XIRP2: variants seen among roughly 807,000 people sequenced by gnomAD.
The protein encoded by XIRP2 is xin actin binding repeat containing 2, also known as xin actin-binding repeat-containing protein 2.
A neutral mutation model predicts 277.0 loss-of-function variants in XIRP2; 236 were observed. The ratio of observed to expected loss-of-function variants is 0.85; its 90% CI spans 0.77 to 0.95. The LOEUF (loss-of-function observed/expected upper bound fraction) is 0.95. Ranked by LOEUF, XIRP2 falls within the 40% of genes least tolerant of loss-of-function variation. The pLI is 0.00. For synonymous variants in XIRP2, 1,490 were observed against 1,416.5 expected, an observed-to-expected ratio of 1.05 and a Z score of -1.17; for missense variants, 4,640 against 4,157.5, an observed-to-expected ratio of 1.12 and a Z score of -3.19.
chr2:167,117,633 A>G (rs1286148520), intron 2 of XIRP2, among the ~76,000 whole-genome samples: 1 of 151,810 alleles, frequency 6.6e-6, no homozygotes. Context: ...TCTGCAGTCT[A>G]ATCTACACCC....
At chr2:167,120,433 A>G (rs1170854313) in intron 2 of XIRP2, among the ~76,000 whole-genome samples, 5 of 152,136 alleles carry the variant, frequency 3.3e-5, no homozygotes, top group African/African-American at 1.2e-4. Context: ...GTGATTCACA[A>G]TCCTAGCTTT....
chr2:167,199,394 G>A (rs897373834), intron 3 of XIRP2, among the ~76,000 whole-genome samples: 4 of 152,126 alleles, frequency 2.6e-5, no homozygotes, highest in African/African-American at 4.8e-5. Flanking sequence ...TTACCTTGGC[G>A]TATTTTTTGC....
intron 3 of XIRP2, among the ~76,000 whole-genome samples, chr2:167,202,756 G>A (rs1693758892): frequency 6.6e-6 from 1 of 152,126 alleles, no homozygotes; most frequent in Non-Finnish European, 1.5e-5. Flanking sequence ...ACCAAAAAAT[G>A]CAACAGATTC....
chr2:167,187,788 C>G (rs1693201562), intron 3 of XIRP2, among the ~76,000 whole-genome samples: 1 of 152,174 alleles, frequency 6.6e-6, no homozygotes, highest in Admixed American at 6.5e-5. Context: ...ACTTGATAAA[C>G]AGTCATGAGT....
chr2:167,037,656 G>T (rs1688547800), intron 2 of XIRP2, among the ~76,000 whole-genome samples: 1 of 151,484 alleles, frequency 6.6e-6, no homozygotes, highest in South Asian at 2.1e-4. Flanking sequence ...TCAGGCTAGG[G>T]TATATTTTTA....
At chr2:167,022,990 A>T (rs1688029346) in intron 2 of XIRP2, among the ~76,000 whole-genome samples, 1 of 152,170 alleles carries the variant, frequency 6.6e-6, no homozygotes, top group Non-Finnish European at 1.5e-5. Flanking sequence ...TGGCTGGGTC[A>T]AATGGTATTT....
intron 2 of XIRP2, among the ~76,000 whole-genome samples, chr2:167,128,491 T>C (rs948401626): frequency 4.6e-5 from 7 of 152,192 alleles, no homozygotes; most frequent in Admixed American, 3.9e-4. Flanking sequence ...TGACTTCATA[T>C]CTACACATTC....
At chr2:167,241,644 A>G in intron 7 of XIRP2, 133 bp from the exon 8 acceptor site, 2 of 1,010,080 alleles carry the variant, frequency 2.0e-6, no homozygotes, top group Non-Finnish European at 1.4e-6. Flanking sequence ...CCTTGGGCTC[A>G]AGTAATCTTC....
At chr2:167,108,492 A>G (rs186010188) in intron 2 of XIRP2, among the ~76,000 whole-genome samples, 5 of 151,938 alleles carry the variant, frequency 3.3e-5, no homozygotes, top group African/African-American at 9.6e-5. Flanking sequence ...CCATCTTGAG[A>G]CCGCTTTAGC....
rs530471314 is a variant in XIRP2, at chr2:167,247,581, T to A, written c.6189T>A (p.Gly2063=). ...TTTTGGAATCAGGAGACAAAACGGGTGTCTGGACTGATACTACAGGAGAAC... is the reference window on the plus strand; with the variant it reads ...TTTTGGAATCAGGAGACAAAACGGGAGTCTGGACTGATACTACAGGAGAAC... ...SNVLESGDKT[G]VWTDTTGEQH... The change falls in exon 9 of 11, where the codon GGT becomes GGA. Residue 2063 remains glycine (G), a synonymous_variant. Coordinates refer to ENST00000409195, the MANE Select transcript of XIRP2 (RefSeq NM_152381.6). The A allele has an allele frequency of 2.8e-5, 45 of 1,610,150 alleles. No individual in the cohort carries two copies. In the Middle Eastern group the frequency reaches 5.0e-4, roughly 18 times the overall value.
intron 2 of XIRP2, among the ~76,000 whole-genome samples, chr2:167,106,476 G>A (rs971441194): frequency 1.3e-5 from 2 of 151,518 alleles, no homozygotes; most frequent in Admixed American, 6.6e-5. Context: ...AAATCAGTTA[G>A]GCATATTTAT....
At chr2:167,043,473 A>C (rs78388173) in intron 2 of XIRP2, among the ~76,000 whole-genome samples, 2,683 of 152,182 alleles carry the variant, frequency 0.018, 87 homozygotes, top group African/African-American at 0.062. Context: ...AAAACAGAGA[A>C]GATTCAAATA....
At chr2:167,255,087 A>G (rs1166138427) in intron 10 of XIRP2, among the ~76,000 whole-genome samples, 1 of 150,304 alleles carries the variant, frequency 6.7e-6, no homozygotes, top group African/African-American at 2.5e-5. Context: ...TGTGTGGGGG[A>G]CTCTCTGTCC....
At chr2:167,017,403 A>T (rs1161324131) in intron 2 of XIRP2, among the ~76,000 whole-genome samples, 1 of 151,972 alleles carries the variant, frequency 6.6e-6, no homozygotes, top group Non-Finnish European at 1.5e-5. Flanking sequence ...CCTCTCTGTC[A>T]ACACTGTGTA....
chr2:167,255,786 T>C (rs1272887054), intron 10 of XIRP2, among the ~76,000 whole-genome samples: 1 of 151,860 alleles, frequency 6.6e-6, no homozygotes, highest in Non-Finnish European at 1.5e-5. Flanking sequence ...GCTTGGTTTC[T>C]AGTAGACTCT....
At chr2:167,020,009 T>C (rs1687937785) in intron 2 of XIRP2, among the ~76,000 whole-genome samples, 1 of 152,094 alleles carries the variant, frequency 6.6e-6, no homozygotes, top group South Asian at 2.1e-4. Flanking sequence ...TATTCGCTTT[T>C]AGGAGATGGA....
intron 3 of XIRP2, among the ~76,000 whole-genome samples, chr2:167,202,584 C>G (rs1693752055): frequency 6.6e-6 from 1 of 152,158 alleles, no homozygotes; most frequent in African/African-American, 2.4e-5. Flanking sequence ...ATGGCTCCAT[C>G]ACATAGTGGT....
At position 167,239,874 on chromosome 2, in the gene XIRP2, A is replaced by G. The variant is rs769794451; in HGVS notation, c.878A>G (p.Gln293Arg). The stretch of plus-strand genomic sequence containing the variant: ...TTTCAGGAGGCAATTCATAGCAGCC[A>G]GGTTGGCACTTCAAGAAGCAGCCAG... ...RSEQEAIHSS[Q>R]VGTSRSSQEM... Residue 293 changes from glutamine (Q) to arginine (R), a missense_variant, in exon 6 of 11, where the codon CAG (glutamine) becomes CGG (arginine). Physicochemically the swap from Gln to Arg is conservative, Grantham distance 43. Transcript: ENST00000409195. The G allele has an allele frequency of 6.2e-7, 1 of 1,609,642 alleles. No individual in the cohort carries two copies. Among genetic ancestry groups the G allele is most frequent in the South Asian group, 1.1e-5 (1 of 89,948 alleles).
intron 2 of XIRP2, among the ~76,000 whole-genome samples, chr2:166,932,304 C>T (rs1465238736): frequency 6.6e-6 from 1 of 151,654 alleles, no homozygotes; most frequent in Admixed American, 6.6e-5. Context: ...GCAGTCTTAA[C>T]TTCCAGGGCT....
Sources: gnomAD v4.1 joint callset for allele counts (sites outside exome capture counted in the v4.1 genomes callset) on GRCh38, gnomAD v4.1.1 for gene constraint, MANE v1.5 for transcripts, NCBI Gene and HGNC (gene_info 2026-07-23, HGNC 2026-07-21) for gene names.